RYR1: variants seen among roughly 807,000 people sequenced by gnomAD.
RYR1 encodes the protein ryanodine receptor 1, also known as central core disease of muscle.
A neutral mutation model predicts 583.5 loss-of-function variants in RYR1; 342 were observed. That is an observed-to-expected ratio of 0.59 (90% CI 0.54 to 0.64). The LOEUF (loss-of-function observed/expected upper bound fraction) is 0.64, where lower values mean the gene tolerates loss of function less well. Among genes scored for constraint, RYR1 ranks in the 30% least tolerant of loss-of-function variants. The pLI is 0.00. For missense variants in RYR1, 6,032 were observed against 6,917.2 expected, an observed-to-expected ratio of 0.87 and a Z score of 4.54; for synonymous variants, 2,791 against 2,822.5, an observed-to-expected ratio of 0.99 and a Z score of 0.35.
In RYR1 at chr19:38,532,472, C is replaced by T. The variant is rs1449222605; in HGVS notation, c.11142-18C>T. ...CCTCTCCACCGGGTCCTGACCACTCCCCTGCTTACTTCCCCAGCAAACTGG... is the reference window on the plus strand; with the variant it reads ...CCTCTCCACCGGGTCCTGACCACTCTCCTGCTTACTTCCCCAGCAAACTGG... On this transcript the variant is annotated intron_variant, in intron 76 of 105. Coordinates refer to ENST00000359596, the MANE Select transcript of RYR1 (RefSeq NM_000540.3). The T allele has an allele frequency of 1.2e-6, 2 of 1,614,118 alleles. No individual in the cohort carries two copies. The highest frequency in any genetic ancestry group is 1.7e-5 in the Admixed American group (1 of 60,002).
At chr19:38,557,461 G>A (rs1298375518) in intron 89 of RYR1, among the ~76,000 whole-genome samples, 1 of 152,216 alleles carries the variant, frequency 6.6e-6, no homozygotes, top group Non-Finnish European at 1.5e-5. Context: ...TAAACCGGCT[G>A]GTGGCGGAAG....
intron 30 of RYR1, 97 bp downstream of exon 30, chr19:38,477,967 C>A: frequency 7.8e-7 from 1 of 1,274,000 alleles, no homozygotes; most frequent in Non-Finnish European, 1.1e-6. Flanking sequence ...GGTTGTGGGA[C>A]CTAGGAACTT....
At chr19:38,581,092 T>TC (rs1257444769) in intron 101 of RYR1, among the ~76,000 whole-genome samples, 1 of 151,620 alleles carries the variant, frequency 6.6e-6, no homozygotes, top group African/African-American at 2.4e-5. Context: ...TTTCTTTCTT[T>TC]CTTTTTTTTT....
In RYR1 at chr19:38,446,709, G is replaced by C. The variant is rs1241863081; in HGVS notation, c.741G>C (p.Glu247Asp). Reference sequence around the variant, plus strand: ...GTGTCCCCAGACTTGTCTACTATGAGGGGGGAGCTGTGTGCACTCATGCCC... The same window carrying C: ...GTGTCCCCAGACTTGTCTACTATGACGGGGGAGCTGTGTGCACTCATGCCC... ...SDDQRRLVYY[E>D]GGAVCTHARS... is the part of the protein sequence containing the mutation. Residue 247 changes from glutamate (E) to aspartate (D), a missense_variant, in exon 9 of 106, where the codon GAG (glutamate) becomes GAC (aspartate). By Grantham distance (45) the Glu-to-Asp change is conservative (BLOSUM62 2). Around this residue, in one of 11 missense-constraint regions of RYR1, gnomAD observed 338 missense variants for 441.6 expected, o/e 0.77. Coordinates refer to ENST00000359596, the MANE Select transcript of RYR1 (RefSeq NM_000540.3). 4 of 1,613,792 alleles carry C rather than the reference G, an allele frequency of 2.5e-6. No homozygotes were observed. The highest frequency in any genetic ancestry group is 3.4e-6 in the Non-Finnish European group (4 of 1,179,760).
At chr19:38,467,588 C>T (rs1347464946) in intron 24 of RYR1, 22 bp from the exon 25 acceptor site, 2 of 1,613,764 alleles carry the variant, frequency 1.2e-6, no homozygotes, top group Admixed American at 1.7e-5. Flanking sequence ...GCCTCTCTGA[C>T]TCTGCCTGGC....
At chr19:38,577,133 G>A (rs1018428001) in intron 97 of RYR1, among the ~76,000 whole-genome samples, 1 of 151,908 alleles carries the variant, frequency 6.6e-6, no homozygotes, top group African/African-American at 2.4e-5. Flanking sequence ...TGATCCACCC[G>A]CCTCGGCCTC....
At chr19:38,476,982 G>A (rs778339874) in intron 29 of RYR1, among the ~76,000 whole-genome samples, 6 of 151,514 alleles carry the variant, frequency 4.0e-5, no homozygotes, top group East Asian at 1.9e-4. Flanking sequence ...TGCAGGCTAC[G>A]ATGGTGCCTC....
chr19:38,534,762 C>T lies in RYR1; in HGVS notation c.11302C>T (p.Arg3768Trp), dbSNP rs910313832. The change falls in exon 79 of 106, where the codon CGG becomes TGG. Residue 3768 changes from arginine (R) to tryptophan (W), a missense_variant. By Grantham distance (101) the Arg-to-Trp change is moderately radical. This residue lies in a region of RYR1 where 1,493 missense variants were observed against 1,715.5 expected (regional missense o/e 0.87). Coordinates refer to ENST00000359596, the MANE Select transcript of RYR1 (RefSeq NM_000540.3). ...GCAGAGGCTCTTGTACCAGCAAGCA[C>T]GGCTGCACACCCGGGGGGCGGCCGA... is the stretch of plus-strand genomic sequence containing the variant. ...EKQRLLYQQA[R>W]LHTRGAAEMV... 36 of 1,613,890 alleles carry T rather than the reference C, an allele frequency of 2.2e-5. 1 individual carries two copies. The highest frequency in any genetic ancestry group is 2.7e-5 in the African/African-American group (2 of 74,912).
intron 89 of RYR1, among the ~76,000 whole-genome samples, chr19:38,554,249 C>T (rs1004279479): frequency 6.7e-6 from 1 of 148,426 alleles, no homozygotes; most frequent in Non-Finnish European, 1.5e-5. Flanking sequence ...GTCAGGAGTT[C>T]GAGACCAGCC....
Position 38,585,034 on chromosome 19 carries a change from A to C in RYR1, c.14738A>C (p.Tyr4913Ser). The C allele has an allele frequency of 6.2e-7, 1 of 1,614,096 alleles. No homozygotes were observed. The highest frequency in any genetic ancestry group is 1.1e-5 in the South Asian group (1 of 91,088). ...EDPAGDEYEL[Y>S]RVVFDITFFF... is the part of the protein sequence containing the mutation. The stretch of plus-strand genomic sequence containing the variant: ...CCCGCGGGTGACGAATACGAGCTCT[A>C]CAGGGTGGTCTTCGACATCACCTTC... Residue 4913 changes from tyrosine to serine, a missense_variant, in exon 102 of 106, where the codon TAC (tyrosine) becomes TCC (serine). Around this residue, in one of 11 missense-constraint regions of RYR1, gnomAD observed 189 missense variants for 350.3 expected, o/e 0.54. Transcript: ENST00000359596.
rs376129203 is a variant in RYR1, at chr19:38,512,452, C to T, written c.9441C>T (p.Ile3147=). The change falls in exon 63 of 106, where the codon ATC becomes ATT. Residue 3147 remains isoleucine (I), a synonymous_variant. Coordinates refer to ENST00000359596, the MANE Select transcript of RYR1 (RefSeq NM_000540.3). This position sits in a 1 kb window ranked among gnomAD's most constrained non-coding sequence, Gnocchi z 5.1. The stretch of plus-strand genomic sequence containing the variant: ...TCCTCACCACCCTCTTCCAGCACAT[C>T]GCCCAGCACCAGTTCGGAGATGACG... ...LPVLTTLFQH[I]AQHQFGDDVI... is the part of the protein sequence containing the mutation. The T allele has an allele frequency of 2.0e-5, 32 of 1,613,108 alleles. No homozygotes were observed. The highest frequency in any genetic ancestry group is 2.7e-5 in the Non-Finnish European group (32 of 1,180,042).
Position 38,485,901 on chromosome 19 carries a change from C to T in RYR1, c.5246C>T (p.Pro1749Leu), listed in dbSNP as rs1437627665. The change falls in exon 34 of 106, where the codon CCT becomes CTT. Residue 1749 changes from proline to leucine, a missense_variant. Coordinates refer to ENST00000359596, the MANE Select transcript of RYR1 (RefSeq NM_000540.3). ...ACCCGCGCCATCACGCTCTTCCCTCCTGGAAGGAGCACAGAAAATGGTCAC... is the reference window on the plus strand; with the variant it reads ...ACCCGCGCCATCACGCTCTTCCCTCTTGGAAGGAGCACAGAAAATGGTCAC... Reference protein sequence around the residue: ...PETRAITLFPPGRSTENGHPR... With the variant: ...PETRAITLFPLGRSTENGHPR... The T allele has an allele frequency of 1.2e-6, 2 of 1,613,644 alleles. No individual in the cohort carries two copies. The highest frequency in any genetic ancestry group is 1.7e-6 in the Non-Finnish European group (2 of 1,179,960).
intron 89 of RYR1, among the ~76,000 whole-genome samples, chr19:38,553,925 A>G (rs553236398): frequency 1.3e-5 from 2 of 152,294 alleles, no homozygotes; most frequent in Admixed American, 6.5e-5. Context: ...CAGGTGTCCA[A>G]TATTCCACGC....
In RYR1 at chr19:38,517,631, C is replaced by G; in HGVS notation, c.9958C>G (p.Leu3320Val). ...DHLNSLLGNI[L>V]RIIVNNLGID... is the part of the protein sequence containing the mutation. Reference sequence around the variant, plus strand: ...CCTCAACTCCCTGCTGGGGAATATCCTGAGAATCATCGTCAACAACCTGGG... The same window carrying G: ...CCTCAACTCCCTGCTGGGGAATATCGTGAGAATCATCGTCAACAACCTGGG... The change falls in exon 66 of 106, where the codon CTG (leucine) becomes GTG (valine). Residue 3320 changes from leucine to valine, a missense_variant. By Grantham distance (32) the Leu-to-Val change is conservative. Transcript: ENST00000359596. The G allele has an allele frequency of 1.2e-6, 2 of 1,614,198 alleles. No homozygotes were observed. The highest frequency in any genetic ancestry group is 1.7e-6 in the Non-Finnish European group (2 of 1,180,036).
rs535402785 is a variant in RYR1 at position 38,490,294 on chromosome 19, G to A, written c.6015+18G>A. The A allele has an allele frequency of 9.9e-6, 16 of 1,609,336 alleles. No individual in the cohort carries two copies. The highest frequency in any genetic ancestry group is 9.0e-5 in the East Asian group (4 of 44,558). On this transcript the variant is annotated intron_variant, in intron 36 of 105. Coordinates refer to ENST00000359596, the MANE Select transcript of RYR1 (RefSeq NM_000540.3). ...AGGAACAGGTCATCTGACCCCTGAC[G>A]CTGGCCACTTTTACTGTCTAAACCC...
intron 89 of RYR1, among the ~76,000 whole-genome samples, chr19:38,560,894 T>C (rs1229504557): frequency 6.6e-6 from 1 of 150,512 alleles, no homozygotes; most frequent in African/African-American, 2.5e-5. Flanking sequence ...GGTGTAGCGG[T>C]GTGTGCCTGT....
chr19:38,473,367 G>A lies in RYR1; in HGVS notation c.3766-10G>A. Reference sequence around the variant, plus strand: ...TGCCCAGCCCAGTACTCCATTCCCTGCCACCTCAGGTATCCCGAGTGGACG... The same window carrying A: ...TGCCCAGCCCAGTACTCCATTCCCTACCACCTCAGGTATCCCGAGTGGACG... On this transcript the variant is annotated splice_polypyrimidine_tract_variant and intron_variant, in intron 27 of 105. Transcript: ENST00000359596. 6.2e-7 allele frequency: 1 copy of A among 1,613,654 alleles called. No homozygotes were observed. Among genetic ancestry groups the A allele is most frequent in the South Asian group, 1.1e-5 (1 of 91,078 alleles).
At chr19:38,486,889 C>T (rs1969325870) in intron 34 of RYR1, among the ~76,000 whole-genome samples, 1 of 152,174 alleles carries the variant, frequency 6.6e-6, no homozygotes, top group South Asian at 2.1e-4. Flanking sequence ...CCATCAACAT[C>T]TTTCCATCTG....
chr19:38,447,476 G>A (rs1319371597), intron 9 of RYR1, among the ~76,000 whole-genome samples: 2 of 152,108 alleles, frequency 1.3e-5, no homozygotes, highest in African/African-American at 4.8e-5. Flanking sequence ...AGGAGGTGGC[G>A]GTTGCAGTGA....
Sources: allele counts gnomAD v4.1 joint callset (sites outside exome capture counted in the v4.1 genomes callset), GRCh38; gene constraint gnomAD v4.1.1; regional missense constraint gnomAD v4.1.1; non-coding constraint Gnocchi (gnomAD v3.1); transcripts MANE v1.5; gene names NCBI Gene and HGNC (gene_info 2026-07-23, HGNC 2026-07-21).